FRRS1: variants seen among roughly 807,000 people sequenced by gnomAD.
FRRS1 encodes ferric reductase 1.
In FRRS1, 51 loss-of-function variants were observed where a neutral mutation model predicts 70.7. The observed-to-expected ratio is 0.72, with a 90% CI of 0.58 to 0.91. The LOEUF (loss-of-function observed/expected upper bound fraction) is 0.91, where lower values mean the gene tolerates loss of function less well. FRRS1 is among the 40% of genes least tolerant of loss of function. The pLI is 0.00. For synonymous variants in FRRS1, 225 were observed against 238.7 expected, an observed-to-expected ratio of 0.94 and a Z score of 0.53; for missense variants, 672 against 726.0, an observed-to-expected ratio of 0.93 and a Z score of 0.86.
rs570389466 is a variant in FRRS1, at chr1:99,721,974, A to G, written c.1007-2327T>C. Among the ~76,000 whole-genome samples, 5 of 152,048 alleles carry G rather than the reference A, an allele frequency of 3.3e-5. No individual in the cohort carries two copies. In the South Asian group the frequency reaches 8.3e-4, roughly 25 times the overall value. On this transcript the variant is annotated intron_variant, in intron 9 of 16. Coordinates refer to ENST00000646001, the MANE Select transcript of FRRS1 (RefSeq NM_001361041.2). Reference sequence around the variant, plus strand: ...TATGGGTGAGTTCTACCATACCATTAAAATTTTTCCTTAATTTGTTTATTT... The same window carrying G: ...TATGGGTGAGTTCTACCATACCATTGAAATTTTTCCTTAATTTGTTTATTT...
intron 4 of FRRS1, among the ~76,000 whole-genome samples, chr1:99,745,132 G>A (rs1054389388): frequency 1.4e-4 from 21 of 152,276 alleles, no homozygotes; most frequent in African/African-American, 4.8e-4. Flanking sequence ...CAAGCACCAG[G>A]ATTTAAGGCA....
In FRRS1 at chr1:99,704,251, C is replaced by G. The variant is rs1200806606; in HGVS notation, c.*4777G>C. 6.6e-6 allele frequency among the ~76,000 whole-genome samples: 1 copy of G among 152,156 alleles called. No homozygotes were observed. Among genetic ancestry groups the G allele is most frequent in the Non-Finnish European group, 1.5e-5 (1 of 68,028 alleles). On this transcript the variant is annotated 3_prime_UTR_variant, in exon 17 of 17. Coordinates refer to ENST00000646001, the MANE Select transcript of FRRS1 (RefSeq NM_001361041.2). Reference sequence around the variant, plus strand: ...GACATGCAGCTTGTAAACCAACAAGCAAACATGCACATTCAGGTCTTCTAA... The same window carrying G: ...GACATGCAGCTTGTAAACCAACAAGGAAACATGCACATTCAGGTCTTCTAA...
chr1:99,731,032 C>T lies in FRRS1; in HGVS notation c.760-1284G>A, dbSNP rs1655355973. On this transcript the variant is annotated intron_variant, in intron 7 of 16. Transcript: ENST00000646001. ...GCCTGGGCAACTGAGGGAGACCTTG[C>T]CTCCAAAAAAGAGAAATAAAACAGA... Among the ~76,000 whole-genome samples the T allele has an allele frequency of 2.0e-5, 3 of 151,826 alleles. No homozygotes were observed. In the South Asian group the frequency reaches 6.3e-4, roughly 32 times the overall value.
chr1:99,729,580 C>T (rs1655246068), intron 8 of FRRS1, 70 bp downstream of exon 8: 1 of 945,296 alleles, frequency 1.1e-6, no homozygotes, highest in Non-Finnish European at 1.7e-6. Flanking sequence ...GCAGCACAGC[C>T]ACGCCAGTGA....
At chr1:99,710,065 G>A (rs12139029) in intron 15 of FRRS1, among the ~76,000 whole-genome samples, 20,088 of 152,112 alleles carry the variant, frequency 0.13, 2,842 homozygotes, top group African/African-American at 0.36. Flanking sequence ...AAAAGTAGCA[G>A]GACAGATATG....
chr1:99,751,545 C>A (rs977563602), intron 1 of FRRS1, among the ~76,000 whole-genome samples: 1 of 152,000 alleles, frequency 6.6e-6, no homozygotes, highest in Non-Finnish European at 1.5e-5. Flanking sequence ...AAGATGAGAA[C>A]TATATCTGAC....
chr1:99,734,765 G>A (rs1008172881), intron 7 of FRRS1, among the ~76,000 whole-genome samples: 1 of 152,180 alleles, frequency 6.6e-6, no homozygotes, highest in East Asian at 1.9e-4. Flanking sequence ...CAAGAATGGG[G>A]AAGACAAGGA....
rs528006639 is a variant in FRRS1 at position 99,712,724 on chromosome 1, A to G, written c.1324-209T>C. On this transcript the variant is annotated intron_variant, in intron 12 of 16. Coordinates refer to ENST00000646001, the MANE Select transcript of FRRS1 (RefSeq NM_001361041.2). The stretch of plus-strand genomic sequence containing the variant: ...CACACACTAATTTTTGACAACTACA[A>G]TGTTTGACAACTGGTTATCAATATC... Among the ~76,000 whole-genome samples, 6 of 152,292 alleles carry G rather than the reference A, an allele frequency of 3.9e-5. No individual in the cohort carries two copies. The South Asian group carries it at 1.0e-3, about 26-fold the overall frequency.
At chr1:99,726,333 C>T (rs1655077928) in intron 9 of FRRS1, among the ~76,000 whole-genome samples, 2 of 152,150 alleles carry the variant, frequency 1.3e-5, no homozygotes, top group African/African-American at 4.8e-5. Flanking sequence ...TCATAAATTA[C>T]CCAGTCTCGG....
In FRRS1 at chr1:99,705,825, GC is replaced by G. The variant is rs1447723257; in HGVS notation, c.*3202del. Among the ~76,000 whole-genome samples the G allele has an allele frequency of 1.3e-5, 2 of 152,094 alleles. No individual in the cohort carries two copies. The highest frequency in any genetic ancestry group is 2.9e-5 in the Non-Finnish European group (2 of 68,028). ...AATTTCTTTCATTTCTTTCTGAAAAGCACACACATCTTTATTTCATATTGCA... is the reference window on the plus strand; with the variant it reads ...AATTTCTTTCATTTCTTTCTGAAAAGACACACATCTTTATTTCATATTGCA... On this transcript the variant is annotated 3_prime_UTR_variant, in exon 17 of 17. Transcript: ENST00000646001.
At position 99,729,694 on chromosome 1, in the gene FRRS1, G is replaced by C. The variant is rs757012876; in HGVS notation, c.814C>G (p.Pro272Ala). The change falls in exon 8 of 17, where the codon CCT becomes GCT. Residue 272 changes from proline (P) to alanine (A), a missense_variant. Transcript: ENST00000646001. ...IHEDQTVYIQPSHLTGRSHPV... is the reference protein window; with the variant it reads ...IHEDQTVYIQASHLTGRSHPV... ...TGACTTCGCCCCGTTAAATGGGAAG[G>C]CTGGATGTACACAGTCTGATCTTCA... 5 of 1,613,590 alleles carry C rather than the reference G, an allele frequency of 3.1e-6. No homozygotes were observed. In the East Asian group the frequency reaches 1.1e-4, roughly 36 times the overall value.
In FRRS1 at chr1:99,708,663, TC is replaced by T. The variant is rs1654132420; in HGVS notation, c.*364del. 3.1e-5 allele frequency: 4 copies of T among 131,044 alleles called. No individual in the cohort carries two copies. The highest frequency in any genetic ancestry group is 4.5e-5 in the Non-Finnish European group (3 of 66,894). The allele number at this position is 131,044 out of a possible 1,614,324, so 8.1% of individuals were successfully genotyped here. Reference sequence around the variant, plus strand: ...ATATATATATATATATATATATATATCGTAATATATCTCTTTATTATCCTAG... The same window carrying T: ...ATATATATATATATATATATATATATGTAATATATCTCTTTATTATCCTAG... On this transcript the variant is annotated 3_prime_UTR_variant, in exon 17 of 17. Transcript: ENST00000646001.
At chr1:99,739,095 T>C (rs1309828682) in intron 6 of FRRS1, among the ~76,000 whole-genome samples, 3 of 152,268 alleles carry the variant, frequency 2.0e-5, no homozygotes, top group African/African-American at 7.2e-5. Context: ...ATTAAGAAAC[T>C]TGGACTTTGG....
Position 99,707,347 on chromosome 1 carries a change from C to T in FRRS1, c.*1681G>A, listed in dbSNP as rs942136842. ...ACCATATAGAAATTAGGTTCTCGGG[C>T]CAAGCAGAAACTATAACATAATCAG... On this transcript the variant is annotated 3_prime_UTR_variant, in exon 17 of 17. Transcript: ENST00000646001. Among the ~76,000 whole-genome samples, 2 of 151,728 alleles carry T rather than the reference C, an allele frequency of 1.3e-5. No individual in the cohort carries two copies. Among genetic ancestry groups the T allele is most frequent in the East Asian group, 3.9e-4 (2 of 5,188 alleles).
chr1:99,746,634 G>C (rs376027804), intron 4 of FRRS1, among the ~76,000 whole-genome samples: 1 of 152,180 alleles, frequency 6.6e-6, no homozygotes, highest in African/African-American at 2.4e-5. Context: ...GCCAGATGAC[G>C]ATGAGGACTA....
rs553200347 is a variant in FRRS1 at position 99,708,998 on chromosome 1, T to C, written c.*30A>G. ...CTTTGGTTTGATGATAATTATCACT[T>C]GGCCTGCAAAAGCCAAGGTCTTTGC... On this transcript the variant is annotated 3_prime_UTR_variant, in exon 17 of 17. Coordinates refer to ENST00000646001, the MANE Select transcript of FRRS1 (RefSeq NM_001361041.2). 3.7e-6 allele frequency: 6 copies of C among 1,614,074 alleles called. No homozygotes were observed. The highest frequency in any genetic ancestry group is 1.7e-5 in the Admixed American group (1 of 60,030).
In FRRS1 at chr1:99,742,193, A is replaced by G. The variant is rs1271839093; in HGVS notation, c.414T>C (p.Asn138=). The G allele has an allele frequency of 1.9e-6, 3 of 1,604,926 alleles. No homozygotes were observed. In the South Asian group the frequency reaches 3.3e-5, roughly 18 times the overall value. The part of the protein sequence containing the change: ...VYWNAPSSAP[N]HTQFLVTVVE... ...CTTATACTCACAGAAACTGTGTGTG[A>G]TTTGGAGCACTGCTTGGAGCATTCC... Residue 138 remains asparagine (N), a synonymous_variant, in exon 5 of 17, where the codon AAT becomes AAC. Transcript: ENST00000646001.
intron 7 of FRRS1, 30 bp downstream of exon 7, chr1:99,738,056 T>C (rs1355051492): frequency 6.4e-6 from 10 of 1,552,890 alleles, no homozygotes; most frequent in African/African-American, 1.4e-5. Flanking sequence ...TCTCCTTTTG[T>C]TACCACTTAT....
In FRRS1 at chr1:99,706,910, A is replaced by G. The variant is rs1654051623; in HGVS notation, c.*2118T>C. On this transcript the variant is annotated 3_prime_UTR_variant, in exon 17 of 17. Transcript: ENST00000646001. ...TTGTCACAAAAAAAAAAAAGAGAGA[A>G]TTTTTCTTTGTCAGATGTAGAATAT... Among the ~76,000 whole-genome samples the G allele has an allele frequency of 6.6e-6, 1 of 152,020 alleles. No individual in the cohort carries two copies. The highest frequency in any genetic ancestry group is 2.1e-4 in the South Asian group (1 of 4,818).
Sources: allele counts gnomAD v4.1 joint callset (sites outside exome capture counted in the v4.1 genomes callset), GRCh38; gene constraint gnomAD v4.1.1; transcripts MANE v1.5; gene names NCBI Gene and HGNC (gene_info 2026-07-23, HGNC 2026-07-21).